The following RGS7BP variants were observed in gnomAD, a reference collection of about 807,000 sequenced individuals.
The protein encoded by RGS7BP is regulator of G protein signaling 7 binding protein, also known as regulator of G protein signaling 7-binding protein.
A neutral mutation model predicts 31.3 loss-of-function variants in RGS7BP; 9 were observed. That is an observed-to-expected ratio of 0.29 (90% CI 0.17 to 0.50). The LOEUF is 0.50. Ranked by LOEUF, RGS7BP falls within the 20% of genes least tolerant of loss-of-function variation. RGS7BP has a pLI of 0.98. For missense variants in RGS7BP, 274 were observed against 322.0 expected (o/e 0.85, Z 1.14); for synonymous variants, 115 against 120.1 (o/e 0.96, Z 0.28).
At chr5:64,519,300 T>C (rs1382852964) in intron 2 of RGS7BP, among the ~76,000 whole-genome samples, 1 of 152,246 alleles carries the variant, frequency 6.6e-6, no homozygotes. Flanking sequence ...ACACGTATTA[T>C]GGGCCAGACA....
chr5:64,596,146 C>T (rs749813106), intron 4 of RGS7BP, among the ~76,000 whole-genome samples: 3 of 152,156 alleles, frequency 2.0e-5, no homozygotes, highest in Admixed American at 6.5e-5. Flanking sequence ...GCTATATTCA[C>T]GCCTTATAAG....
chr5:64,581,288 A>G (rs1022129629), intron 3 of RGS7BP, among the ~76,000 whole-genome samples: 11 of 151,552 alleles, frequency 7.3e-5, no homozygotes, highest in African/African-American at 2.7e-4. Context: ...TGTGAGTGCT[A>G]AAAGTTTGCC....
chr5:64,553,190 T>TC (rs1330096929), intron 2 of RGS7BP, among the ~76,000 whole-genome samples: 5 of 148,350 alleles, frequency 3.4e-5, no homozygotes, highest in African/African-American at 1.2e-4. Flanking sequence ...TTTTTTTTTT[T>TC]GAAACGGAGT....
At chr5:64,594,678 T>C in intron 3 of RGS7BP, 32 bp from the exon 4 acceptor site, 1 of 1,612,164 alleles carries the variant, frequency 6.2e-7, no homozygotes, top group Non-Finnish European at 8.5e-7. Flanking sequence ...TTCTTTTTCC[T>C]CTTCTCTTTA....
chr5:64,542,090 A>G (rs543331774), intron 2 of RGS7BP, among the ~76,000 whole-genome samples: 4 of 152,354 alleles, frequency 2.6e-5, no homozygotes, highest in South Asian at 4.1e-4. Flanking sequence ...CTGTTCTGAC[A>G]TGCTGCATTT....
chr5:64,535,631 A>G (rs561528915), intron 2 of RGS7BP, among the ~76,000 whole-genome samples: 1 of 152,384 alleles, frequency 6.6e-6, no homozygotes, highest in Non-Finnish European at 1.5e-5. Flanking sequence ...TTTAAGTAGC[A>G]CAAAGTAACA....
At chr5:64,544,046 CAG>C (rs1039019295) in intron 2 of RGS7BP, among the ~76,000 whole-genome samples, 2 of 152,196 alleles carry the variant, frequency 1.3e-5, no homozygotes, top group Non-Finnish European at 2.9e-5. Context: ...CTGTTAATAG[CAG>C]AGTTACATGT....
chr5:64,603,370 A>C (rs1026340829), intron 5 of RGS7BP, among the ~76,000 whole-genome samples: 1 of 152,186 alleles, frequency 6.6e-6, no homozygotes, highest in Non-Finnish European at 1.5e-5. Flanking sequence ...CATGGGGGGA[A>C]CTTTCTGGAG....
intron 2 of RGS7BP, among the ~76,000 whole-genome samples, chr5:64,547,007 T>C (rs1258841913): frequency 6.6e-6 from 1 of 152,248 alleles, no homozygotes; most frequent in African/African-American, 2.4e-5. Flanking sequence ...TTGCCAGTTC[T>C]TAAACTTCAT....
chr5:64,587,550 C>G (rs1358737613), intron 3 of RGS7BP, among the ~76,000 whole-genome samples: 2 of 152,134 alleles, frequency 1.3e-5, no homozygotes, highest in African/African-American at 4.8e-5. Context: ...TGGGCTACCC[C>G]ACACTGAGCA....
intron 4 of RGS7BP, among the ~76,000 whole-genome samples, chr5:64,597,947 C>T (rs1284685572): frequency 6.6e-6 from 1 of 152,148 alleles, no homozygotes; most frequent in Non-Finnish European, 1.5e-5. Flanking sequence ...CCACTATAGT[C>T]CTCTGACCAT....
intron 3 of RGS7BP, among the ~76,000 whole-genome samples, chr5:64,587,653 G>T (rs1742794432): frequency 6.6e-6 from 1 of 152,164 alleles, no homozygotes; most frequent in Non-Finnish European, 1.5e-5. Flanking sequence ...ATAAATCTGA[G>T]CCTCCATAAG....
At chr5:64,557,623 A>G (rs1434160586) in intron 2 of RGS7BP, among the ~76,000 whole-genome samples, 1 of 152,186 alleles carries the variant, frequency 6.6e-6, no homozygotes, top group East Asian at 1.9e-4. Flanking sequence ...GAGCAGGAAC[A>G]TGACTTTGTG....
intron 3 of RGS7BP, among the ~76,000 whole-genome samples, chr5:64,581,868 A>G (rs1205802582): frequency 6.6e-6 from 1 of 152,220 alleles, no homozygotes; most frequent in Non-Finnish European, 1.5e-5. Flanking sequence ...GAAGAAAAAC[A>G]TTACTAAAGT....
chr5:64,538,485 A>ATTTTTTTTTCCTTTTCTT lies in RGS7BP; in HGVS notation c.332+30616_332+30617insTCCTTTTCTTTTTTTTTT, dbSNP rs199619865. ...TAAGCTAAATCAGAAGCATGTAGCC[A>ATTTTTTTTTCCTTTTCTT]TTTTTTTTCCTTTTCTTTTCTTTTT... On this transcript the variant is annotated intron_variant, in intron 2 of 5. Coordinates refer to ENST00000334025, the MANE Select transcript of RGS7BP (RefSeq NM_001029875.3). Among the ~76,000 whole-genome samples, 12 of 56,976 alleles carry ATTTTTTTTTCCTTTTCTT rather than the reference A, an allele frequency of 2.1e-4. 1 individual carries two copies. The highest frequency in any genetic ancestry group is 7.8e-4 in the African/African-American group (11 of 14,016). The allele number at this position is 56,976 out of a possible 152,430, so 37.4% of individuals were successfully genotyped here. A position where few individuals can be genotyped will look rare whatever the true frequency, so the allele number is the denominator to read the frequency against.
At chr5:64,544,223 G>T (rs1741592995) in intron 2 of RGS7BP, among the ~76,000 whole-genome samples, 1 of 152,218 alleles carries the variant, frequency 6.6e-6, no homozygotes, top group Non-Finnish European at 1.5e-5. Context: ...ACGCTGCAGT[G>T]GGAGCAAAAG....
At chr5:64,605,988 T>C (rs1469450284) in intron 5 of RGS7BP, among the ~76,000 whole-genome samples, 2 of 106,774 alleles carry the variant, frequency 1.9e-5, no homozygotes, top group African/African-American at 3.0e-5. Flanking sequence ...TCTGGATACA[T>C]ATATATATGC....
rs188929283 is a variant in RGS7BP, at chr5:64,554,024, T to C, written c.333-21750T>C. 1.9e-3 allele frequency among the ~76,000 whole-genome samples: 290 copies of C among 152,240 alleles called. 1 individual carries two copies. Among genetic ancestry groups the C allele is most frequent in the Non-Finnish European group, 2.9e-3 (197 of 67,998 alleles). Reference sequence around the variant, plus strand: ...AGGAATTAGAACTGAGATATACACATAAAGTCATTTGCTGGATATCTGCTC... The same window carrying C: ...AGGAATTAGAACTGAGATATACACACAAAGTCATTTGCTGGATATCTGCTC... On this transcript the variant is annotated intron_variant, in intron 2 of 5. Coordinates refer to ENST00000334025, the MANE Select transcript of RGS7BP (RefSeq NM_001029875.3).
intron 2 of RGS7BP, among the ~76,000 whole-genome samples, chr5:64,558,842 T>G (rs780640067): frequency 2.6e-5 from 4 of 152,138 alleles, no homozygotes; most frequent in Non-Finnish European, 5.9e-5. Flanking sequence ...GTATCTGCCT[T>G]ATGCAGTTGC....
Sources: gnomAD v4.1 joint callset for allele counts (sites outside exome capture counted in the v4.1 genomes callset) on GRCh38, gnomAD v4.1.1 for gene constraint, MANE v1.5 for transcripts, NCBI Gene and HGNC (gene_info 2026-07-23, HGNC 2026-07-21) for gene names.